TTC6: variants seen among roughly 807,000 people sequenced by gnomAD.
The protein encoded by TTC6 is tetratricopeptide repeat protein 6.
A neutral mutation model predicts 210.4 loss-of-function variants in TTC6; 172 were observed. That is an observed-to-expected ratio of 0.82 (90% CI 0.72 to 0.93). TTC6 has a LOEUF of 0.93. TTC6 is among the 40% of genes least tolerant of loss of function. The pLI, the probability that TTC6 is intolerant of heterozygous loss-of-function variation, is 0.00. For missense variants in TTC6, 2,414 were observed against 2,318.1 expected, an observed-to-expected ratio of 1.04 and a Z score of -0.85; for synonymous variants, 804 against 819.6, an observed-to-expected ratio of 0.98 and a Z score of 0.32.
chr14:37,737,803 A>ATT (rs11439106), intron 9 of TTC6, 69 bp downstream of exon 11: 5,442 of 595,690 alleles, frequency 9.1e-3, no homozygotes, highest in East Asian at 0.017. Flanking sequence ...TAATCACCTT[A>ATT]TTTTTTTTTA....
chr14:37,683,025 T>A (rs144531586), intron 3 of TTC6, 61 bp downstream of exon 5: 3 of 1,481,580 alleles, frequency 2.0e-6, no homozygotes, highest in Non-Finnish European at 2.7e-6. Flanking sequence ...TGTGCAGGTG[T>A]GAAGAATTGG....
At chr14:37,789,582 C>T (rs551977902) in intron 15 of TTC6, among the ~76,000 whole-genome samples, 23 of 113,066 alleles carry the variant, frequency 2.0e-4, no homozygotes, top group African/African-American at 7.4e-4. Context: ...GGTGTTGGGA[C>T]ATTTGGTTTC....
chr14:37,702,301 C>T (rs1177708227), intron 5 of TTC6, among the ~76,000 whole-genome samples: 1 of 152,144 alleles, frequency 6.6e-6, no homozygotes, highest in African/African-American at 2.4e-5. Flanking sequence ...TCAGCCTTTT[C>T]ATTATCACCC....
At chr14:37,705,901 C>T (rs2095834557) in intron 5 of TTC6, among the ~76,000 whole-genome samples, 1 of 152,084 alleles carries the variant, frequency 6.6e-6, no homozygotes, top group African/African-American at 2.4e-5. Context: ...CTTTGGTACT[C>T]AAAGTATAGT....
At chr14:37,778,656 G>A (rs572027853) in intron 14 of TTC6, among the ~76,000 whole-genome samples, 11 of 152,096 alleles carry the variant, frequency 7.2e-5, no homozygotes, top group East Asian at 1.9e-4. Context: ...CAGGTGGACC[G>A]GTGCCTGTCA....
chr14:37,765,172 T>A (rs1036569011), intron 14 of TTC6, among the ~76,000 whole-genome samples: 9 of 151,706 alleles, frequency 5.9e-5, no homozygotes, highest in East Asian at 1.9e-4. Flanking sequence ...ATTAAAAAAA[T>A]TTTTTTTAGA....
intron 14 of TTC6, among the ~76,000 whole-genome samples, chr14:37,769,996 T>A (rs1251010466): frequency 4.6e-5 from 7 of 152,148 alleles, no homozygotes; most frequent in Admixed American, 2.0e-4. Context: ...GATTCTGGTA[T>A]GTTGTGTCTT....
intron 3 of TTC6, 57 bp downstream of exon 5, chr14:37,683,021 G>T: frequency 6.7e-6 from 10 of 1,492,332 alleles, no homozygotes; most frequent in Non-Finnish European, 9.0e-6. Context: ...AGGATGTGCA[G>T]GTGTGAAGAA....
intron 1 of TTC6, among the ~76,000 whole-genome samples, chr14:37,633,230 G>A (rs569766085): frequency 1.1e-4 from 16 of 152,282 alleles, no homozygotes; most frequent in African/African-American, 2.2e-4. Context: ...GGTTTTGTGC[G>A]TGAAACCCAG....
At chr14:37,725,298 A>ATG (rs61712288) in intron 7 of TTC6, among the ~76,000 whole-genome samples, 1,672 of 64,106 alleles carry the variant, frequency 0.026, 39 homozygotes, top group Middle Eastern at 0.037. Context: ...ATATGTATGT[A>ATG]TGTGTGTGTG....
At chr14:37,736,105 G>C in intron 8 of TTC6, 95 bp downstream of exon 10, 2 of 707,138 alleles carry the variant, frequency 2.8e-6, no homozygotes, top group Non-Finnish European at 2.3e-6. Context: ...ATTTCTTGGG[G>C]CCAGGCATGG....
At chr14:37,773,088 TA>T (rs2096025524) in intron 14 of TTC6, among the ~76,000 whole-genome samples, 2 of 152,236 alleles carry the variant, frequency 1.3e-5, no homozygotes. Context: ...GCCCACTTTT[TA>T]ATGCTATTGT....
At chr14:37,834,607 A>T (rs1264465766) in intron 29 of TTC6, among the ~76,000 whole-genome samples, 1 of 151,626 alleles carries the variant, frequency 6.6e-6, no homozygotes, top group African/African-American at 2.4e-5. Flanking sequence ...TGTATTGTTT[A>T]TCTGTGTTCT....
At chr14:37,828,340 C>T (rs1467120641) in intron 29 of TTC6, among the ~76,000 whole-genome samples, 1 of 151,770 alleles carries the variant, frequency 6.6e-6, no homozygotes, top group Non-Finnish European at 1.5e-5. Flanking sequence ...TATTCTTTAT[C>T]TTTTTGAGTT....
At chr14:37,832,286 T>A (rs2139021623) in intron 29 of TTC6, among the ~76,000 whole-genome samples, 1 of 150,598 alleles carries the variant, frequency 6.6e-6, no homozygotes, top group African/African-American at 2.4e-5. Flanking sequence ...TTTTTAAGTC[T>A]TTATTTCTGC....
At chr14:37,771,116 A>G (rs1475824505) in intron 14 of TTC6, among the ~76,000 whole-genome samples, 2 of 151,586 alleles carry the variant, frequency 1.3e-5, no homozygotes, top group East Asian at 3.9e-4. Context: ...TTCTTTAAGA[A>G]TGTTGAATAT....
chr14:37,821,033 T>TC (rs2096155491), intron 26 of TTC6, among the ~76,000 whole-genome samples: 1 of 146,738 alleles, frequency 6.8e-6, no homozygotes, highest in African/African-American at 2.5e-5. Context: ...CTCTTCTTCT[T>TC]CTTCTTCTTC....
chr14:37,639,973 C>T (rs1185724859), intron 1 of TTC6, among the ~76,000 whole-genome samples: 2 of 149,348 alleles, frequency 1.3e-5, no homozygotes, highest in Admixed American at 1.3e-4. Context: ...ATAATATATA[C>T]TAGGTCACAT....
At chr14:37,798,098 C>T (rs538623090) in intron 20 of TTC6, among the ~76,000 whole-genome samples, 2 of 152,090 alleles carry the variant, frequency 1.3e-5, no homozygotes, top group Non-Finnish European at 2.9e-5. Context: ...AGTCCCCACA[C>T]CATATTCTTC....
Sources: allele counts gnomAD v4.1 joint callset (sites outside exome capture counted in the v4.1 genomes callset), GRCh38; gene constraint gnomAD v4.1.1; transcripts MANE v1.5; gene names NCBI Gene and HGNC (gene_info 2026-07-23, HGNC 2026-07-21).